Variants in RTN1 observed in about 807,000 individuals in gnomAD.
The protein encoded by RTN1 is reticulon 1, also known as reticulon-1.
A neutral mutation model predicts 65.5 loss-of-function variants in RTN1; 25 were observed. That is an observed-to-expected ratio of 0.38 (90% CI 0.28 to 0.53). The LOEUF (loss-of-function observed/expected upper bound fraction) is 0.53, where lower values mean the gene tolerates loss of function less well. RTN1 is among the 20% of genes least tolerant of loss of function. The pLI is 0.79. For missense variants in RTN1, 983 were observed against 1,025.4 expected, an observed-to-expected ratio of 0.96 and a Z score of 0.57; for synonymous variants, 471 against 447.6, an observed-to-expected ratio of 1.05 and a Z score of -0.66.
At chr14:59,838,141 T>A (rs1887246798) in intron 1 of RTN1, among the ~76,000 whole-genome samples, 1 of 152,210 alleles carries the variant, frequency 6.6e-6, no homozygotes, top group East Asian at 1.9e-4. Context: ...CAATTGTTCC[T>A]GTCTTTATGT....
At chr14:59,862,254 A>T (rs1324636897) in intron 1 of RTN1, among the ~76,000 whole-genome samples, 1 of 152,140 alleles carries the variant, frequency 6.6e-6, no homozygotes, top group Non-Finnish European at 1.5e-5. Context: ...CTAGGCCATT[A>T]TGTCCCTTCC....
intron 3 of RTN1, among the ~76,000 whole-genome samples, chr14:59,652,634 C>T (rs556626871): frequency 1.3e-5 from 2 of 151,802 alleles, no homozygotes; most frequent in East Asian, 3.9e-4. Context: ...ATGATGAGAA[C>T]ACATGGACAC....
intron 3 of RTN1, among the ~76,000 whole-genome samples, chr14:59,679,546 A>AG (rs920941827): frequency 1.3e-5 from 2 of 152,328 alleles, no homozygotes; most frequent in Admixed American, 1.3e-4. Flanking sequence ...GTTATTAAAA[A>AG]GGGTTGAACA....
intron 1 of RTN1, among the ~76,000 whole-genome samples, chr14:59,845,497 A>G (rs934438225): frequency 1.3e-5 from 2 of 152,082 alleles, no homozygotes; most frequent in Admixed American, 6.6e-5. Flanking sequence ...CTGTGTCTCA[A>G]TGTGGAAGTC....
intron 3 of RTN1, among the ~76,000 whole-genome samples, chr14:59,707,801 C>G (rs970297731): frequency 5.9e-5 from 9 of 151,810 alleles, no homozygotes; most frequent in African/African-American, 2.2e-4. Context: ...GAAATGAACA[C>G]CTACAATCAA....
intron 1 of RTN1, among the ~76,000 whole-genome samples, chr14:59,819,440 CCCCCG>C (rs1886894175): frequency 3.8e-5 from 2 of 52,486 alleles, no homozygotes; most frequent in African/African-American, 1.6e-4. Flanking sequence ...CCACCCCCCC[CCCCCG>C]GCCACAGCTA....
chr14:59,726,765 T>C (rs1026451290), intron 3 of RTN1, among the ~76,000 whole-genome samples, 154 bp downstream of exon 3: 1 of 152,128 alleles, frequency 6.6e-6, no homozygotes, highest in Non-Finnish European at 1.5e-5. Flanking sequence ...CTGAATTCTC[T>C]CATCTCCTCC....
At chr14:59,731,532 G>T (rs1884897062) in intron 2 of RTN1, among the ~76,000 whole-genome samples, 1 of 151,960 alleles carries the variant, frequency 6.6e-6, no homozygotes, top group African/African-American at 2.4e-5. Flanking sequence ...TGGAAGTTTG[G>T]CCTTGAATCT....
intron 3 of RTN1, among the ~76,000 whole-genome samples, chr14:59,637,262 T>A (rs1277521753): frequency 1.3e-5 from 2 of 152,212 alleles, no homozygotes; most frequent in Admixed American, 6.5e-5. Context: ...TGGTCATCCA[T>A]AAGAAGCAAC....
chr14:59,778,210 A>G (rs922057200), intron 1 of RTN1, among the ~76,000 whole-genome samples: 7 of 152,078 alleles, frequency 4.6e-5, no homozygotes, highest in Non-Finnish European at 7.4e-5. Flanking sequence ...ATGGCTTTCA[A>G]TCACAGTTGT....
At chr14:59,840,226 G>A (rs1265039112) in intron 1 of RTN1, among the ~76,000 whole-genome samples, 4 of 152,146 alleles carry the variant, frequency 2.6e-5, no homozygotes. Flanking sequence ...GAAGTTGGAT[G>A]TTGGTGAGCT....
chr14:59,845,193 G>A (rs1348175326), intron 1 of RTN1, among the ~76,000 whole-genome samples: 1 of 152,260 alleles, frequency 6.6e-6, no homozygotes, highest in East Asian at 1.9e-4. Flanking sequence ...ATTCCTAATG[G>A]TTTCTCTATA....
At chr14:59,733,693 G>T (rs1213229699) in intron 2 of RTN1, among the ~76,000 whole-genome samples, 1 of 152,224 alleles carries the variant, frequency 6.6e-6, no homozygotes, top group Non-Finnish European at 1.5e-5. Context: ...TTGCAGGGGG[G>T]TCCTCCCAGC....
At chr14:59,819,426 CCCCCCA>C (rs1566737523) in intron 1 of RTN1, among the ~76,000 whole-genome samples, 4 of 12,100 alleles carry the variant, frequency 3.3e-4, no homozygotes, top group Non-Finnish European at 7.6e-4. Flanking sequence ...CCCCCCCCCA[CCCCCCA>C]CCCCCCCCCC....
At chr14:59,639,288 A>T (rs1882728366) in intron 3 of RTN1, among the ~76,000 whole-genome samples, 1 of 152,230 alleles carries the variant, frequency 6.6e-6, no homozygotes, top group Non-Finnish European at 1.5e-5. Flanking sequence ...TAACTAGAAA[A>T]GAGTTTAAAA....
intron 3 of RTN1, among the ~76,000 whole-genome samples, chr14:59,672,657 G>A (rs1488165936): frequency 7.5e-5 from 8 of 106,660 alleles, no homozygotes; most frequent in Admixed American, 1.4e-4. Context: ...TTTTTGAGAC[G>A]GAGTCTCGCT....
chr14:59,786,984 A>C (rs1170001813), intron 1 of RTN1, among the ~76,000 whole-genome samples: 2 of 152,194 alleles, frequency 1.3e-5, no homozygotes, highest in Non-Finnish European at 2.9e-5. Context: ...GAGAAAAGCA[A>C]TCAAGAGACA....
At chr14:59,843,007 C>T (rs1887341299) in intron 1 of RTN1, among the ~76,000 whole-genome samples, 1 of 152,170 alleles carries the variant, frequency 6.6e-6, no homozygotes, top group African/African-American at 2.4e-5. Flanking sequence ...AGAAATGTTT[C>T]CACAGGTTCA....
intron 2 of RTN1, among the ~76,000 whole-genome samples, chr14:59,743,771 C>G (rs1336573922): frequency 6.6e-6 from 1 of 152,152 alleles, no homozygotes; most frequent in Non-Finnish European, 1.5e-5. Flanking sequence ...CCCAGTTCAC[C>G]TGGGGAGCTG....
Sources: allele counts gnomAD v4.1 joint callset (sites outside exome capture counted in the v4.1 genomes callset), GRCh38; gene constraint gnomAD v4.1.1; transcripts MANE v1.5; gene names NCBI Gene and HGNC (gene_info 2026-07-23, HGNC 2026-07-21).